Variants in KCNU1 observed in about 807,000 individuals in gnomAD.
KCNU1 encodes the protein potassium calcium-activated channel subfamily U member 1.
In KCNU1, 93 loss-of-function variants were observed where a neutral mutation model predicts 126.8. The ratio of observed to expected loss-of-function variants is 0.73; its 90% confidence interval spans 0.62 to 0.87. The LOEUF (loss-of-function observed/expected upper bound fraction) is 0.87. KCNU1 is among the 40% of genes least tolerant of loss of function. KCNU1 has a pLI of 0.00. For synonymous variants in KCNU1, 523 were observed against 494.2 expected, an observed-to-expected ratio of 1.06 and a Z score of -0.77; for missense variants, 1,330 against 1,367.1, an observed-to-expected ratio of 0.97 and a Z score of 0.43.
chr8:36,837,970 T>G (rs1420909290), intron 14 of KCNU1, among the ~76,000 whole-genome samples: 1 of 152,228 alleles, frequency 6.6e-6, no homozygotes, highest in Non-Finnish European at 1.5e-5. Flanking sequence ...TCTTCCCTGG[T>G]GCTATTTAAC....
intron 19 of KCNU1, among the ~76,000 whole-genome samples, chr8:36,884,825 A>C (rs1387510040): frequency 6.6e-6 from 1 of 152,154 alleles, no homozygotes; most frequent in Non-Finnish European, 1.5e-5. Flanking sequence ...GGCCTAGGAG[A>C]AGCAGTCTTA....
rs182840734 is a variant in KCNU1 at position 36,864,505 on chromosome 8, T to A, written c.1993T>A (p.Ser665Thr). The part of the protein sequence containing the change: ...PRVSASTSSI[S>T]NFTTRTLQHD... The stretch of plus-strand genomic sequence containing the variant: ...GGTATCTGCAAGCACTTCGAGCATA[T>A]CAAACTTCACCACCAGGTAAAAGCT... Residue 665 changes from serine to threonine, a missense_variant, in exon 19 of 27, where the codon TCA (serine) becomes ACA (threonine). Around this residue, in one of 3 missense-constraint regions of KCNU1, gnomAD observed 1,054 missense variants for 1,053.9 expected, o/e 1.00. Transcript: ENST00000399881. The A allele has an allele frequency of 6.2e-7, 1 of 1,608,012 alleles. No homozygotes were observed. The highest frequency in any genetic ancestry group is 1.3e-5 in the African/African-American group (1 of 74,902).
chr8:36,820,668 G>A (rs1041610652), intron 10 of KCNU1, among the ~76,000 whole-genome samples: 1 of 150,158 alleles, frequency 6.7e-6, no homozygotes, highest in Non-Finnish European at 1.5e-5. Context: ...AAGCAATACA[G>A]AAGGCCAAGA....
At chr8:36,787,877 T>C (rs530396289) in intron 2 of KCNU1, among the ~76,000 whole-genome samples, 38 of 148,248 alleles carry the variant, frequency 2.6e-4, no homozygotes, top group Non-Finnish European at 4.6e-4. Context: ...TTTATAATTA[T>C]ATAATTACTA....
At chr8:36,904,898 C>A (rs1271575718) in intron 19 of KCNU1, among the ~76,000 whole-genome samples, 4 of 152,046 alleles carry the variant, frequency 2.6e-5, no homozygotes, top group Non-Finnish European at 5.9e-5. Flanking sequence ...GTGTCAGGCC[C>A]TGGGGATGTT....
At chr8:36,857,867 A>G (rs866526939) in intron 18 of KCNU1, among the ~76,000 whole-genome samples, 2 of 152,064 alleles carry the variant, frequency 1.3e-5, no homozygotes, top group South Asian at 4.2e-4. Flanking sequence ...GCTGCTCTTG[A>G]ACTCCTGACC....
chr8:36,810,005 C>T (rs1466007149), intron 7 of KCNU1, among the ~76,000 whole-genome samples: 1 of 152,182 alleles, frequency 6.6e-6, no homozygotes, highest in African/African-American at 2.4e-5. Flanking sequence ...AGGCCACCAA[C>T]AGCCATAGCT....
intron 8 of KCNU1, 49 bp downstream of exon 8, chr8:36,814,426 A>G (rs1011819802): frequency 7.5e-7 from 1 of 1,325,060 alleles, no homozygotes; most frequent in African/African-American, 1.5e-5. Flanking sequence ...TAAACCAGAA[A>G]TATTTGGTTA....
intron 10 of KCNU1, among the ~76,000 whole-genome samples, chr8:36,820,826 A>G (rs571676502): frequency 6.6e-6 from 1 of 152,256 alleles, no homozygotes; most frequent in Non-Finnish European, 1.5e-5. Context: ...GACCTCAGAA[A>G]GATTTAAGGT....
intron 1 of KCNU1, among the ~76,000 whole-genome samples, chr8:36,785,460 A>C (rs1266810274): frequency 6.6e-6 from 1 of 152,226 alleles, no homozygotes; most frequent in African/African-American, 2.4e-5. Flanking sequence ...CATTTCTTTT[A>C]GTGCTAAAAC....
At chr8:36,823,492 T>C (rs1804203420) in intron 10 of KCNU1, among the ~76,000 whole-genome samples, 2 of 152,148 alleles carry the variant, frequency 1.3e-5, no homozygotes, top group African/African-American at 2.4e-5. Context: ...ACACAATTAG[T>C]GTTTATATCA....
chr8:36,820,230 T>C (rs1804073162), intron 10 of KCNU1, among the ~76,000 whole-genome samples: 1 of 152,198 alleles, frequency 6.6e-6, no homozygotes, highest in Non-Finnish European at 1.5e-5. Flanking sequence ...ACATAGTATA[T>C]TATTGTTGCT....
At chr8:36,836,249 C>A in intron 12 of KCNU1, 47 bp from the exon 13 acceptor site, 1 of 1,201,160 alleles carries the variant, frequency 8.3e-7, no homozygotes, top group Non-Finnish European at 1.2e-6. Context: ...TTACAAAGCC[C>A]TTTGGCTATG....
Position 36,834,778 on chromosome 8 carries a change from A to G in KCNU1, c.1213-8A>G. On this transcript the variant is annotated splice_polypyrimidine_tract_variant and splice_region_variant and intron_variant, in intron 11 of 26. Transcript: ENST00000399881. Reference sequence around the variant, plus strand: ...ACAAGATGGCTCCTGTCCGATCTTGAAGGGTAGGTGGAATCTGCAGAGGCA... The same window carrying G: ...ACAAGATGGCTCCTGTCCGATCTTGGAGGGTAGGTGGAATCTGCAGAGGCA... The G allele has an allele frequency of 6.3e-7, 1 of 1,593,864 alleles. No individual in the cohort carries two copies. The highest frequency in any genetic ancestry group is 8.6e-7 in the Non-Finnish European group (1 of 1,163,352).
At chr8:36,805,812 A>G (rs774971372) in intron 4 of KCNU1, among the ~76,000 whole-genome samples, 2 of 152,158 alleles carry the variant, frequency 1.3e-5, no homozygotes, top group East Asian at 1.9e-4. Context: ...ATATACACAT[A>G]TATGTATGTA....
chr8:36,932,417 G>A (rs1304522364), intron 25 of KCNU1, among the ~76,000 whole-genome samples: 1 of 152,072 alleles, frequency 6.6e-6, no homozygotes, highest in African/African-American at 2.4e-5. Flanking sequence ...TGATCTTGCT[G>A]AGCCCATTTG....
chr8:36,922,753 AAGCTTGTTCCCATACATTAATTT>A, intron 24 of KCNU1, 124 bp downstream of exon 24: 1 of 1,011,558 alleles, frequency 9.9e-7, no homozygotes, highest in Non-Finnish European at 1.4e-6. Context: ...TTTCAAAAAC[AAGCTTGTTCCCATACATTAATTT>A]ATCTTTTCTC....
At chr8:36,924,185 A>G (rs752064727) in intron 24 of KCNU1, among the ~76,000 whole-genome samples, 2 of 152,202 alleles carry the variant, frequency 1.3e-5, no homozygotes, top group Admixed American at 6.5e-5. Context: ...AAGGAAAGCC[A>G]CATAACCCAC....
intron 19 of KCNU1, chr8:36,888,872 A>G (rs750522584): frequency 4.6e-6 from 2 of 439,138 alleles, no homozygotes; most frequent in Non-Finnish European, 9.3e-6. Context: ...TTTAAAAACT[A>G]CTAGTTCCAT....
Sources: gnomAD v4.1 joint callset for allele counts (sites outside exome capture counted in the v4.1 genomes callset) on GRCh38, gnomAD v4.1.1 for gene constraint, gnomAD v4.1.1 regional missense constraint, MANE v1.5 for transcripts, NCBI Gene and HGNC (gene_info 2026-07-23, HGNC 2026-07-21) for gene names.